RMDN2: variants seen among roughly 807,000 people sequenced by gnomAD.
The protein encoded by RMDN2 is regulator of microtubule dynamics protein 2.
Under a neutral mutation model 52.8 loss-of-function variants are expected in RMDN2, and 61 were observed. The ratio of observed to expected loss-of-function variants is 1.16; its 90% confidence interval spans 0.94 to 1.43. The LOEUF is 1.43. RMDN2 is among the 40% of genes most tolerant of loss of function. The pLI is 0.00. For missense variants in RMDN2, 592 were observed against 475.3 expected, an observed-to-expected ratio of 1.25 and a Z score of -2.28; for synonymous variants, 180 against 153.1, an observed-to-expected ratio of 1.18 and a Z score of -1.30.
intron 10 of RMDN2, among the ~76,000 whole-genome samples, chr2:38,006,597 A>T (rs1053393272): frequency 2.0e-5 from 3 of 152,044 alleles, no homozygotes; most frequent in African/African-American, 7.2e-5. Flanking sequence ...GCTTAAGGAG[A>T]TTTTGGGCTG....
intron 2 of RMDN2, among the ~76,000 whole-genome samples, chr2:37,944,175 G>T (rs1278069045): frequency 6.6e-6 from 1 of 152,138 alleles, no homozygotes; most frequent in Non-Finnish European, 1.5e-5. Flanking sequence ...ATAACCTGGA[G>T]ATGAGGCCGT....
intron 10 of RMDN2, among the ~76,000 whole-genome samples, chr2:38,009,062 G>C (rs546146199): frequency 6.6e-6 from 1 of 152,186 alleles, no homozygotes; most frequent in Non-Finnish European, 1.5e-5. Context: ...TAGAGTTTCT[G>C]CTGAGAGATC....
At chr2:37,976,743 G>T (rs950180624) in intron 4 of RMDN2, among the ~76,000 whole-genome samples, 3 of 152,030 alleles carry the variant, frequency 2.0e-5, no homozygotes, top group African/African-American at 7.2e-5. Flanking sequence ...CTTAACCAAG[G>T]AGAACAAGGG....
In RMDN2 at chr2:37,973,911, A is replaced by G. The variant is rs1024662612; in HGVS notation, c.453-129A>G. The G allele has an allele frequency of 4.4e-6, 3 of 688,880 alleles. No homozygotes were observed. In the African/African-American group the frequency reaches 5.6e-5, roughly 13 times the overall value. 42.7% of individuals were successfully genotyped at this position (688,880 alleles called of 1,614,324 possible). ...TCTGTTAGGACTGGAGCTTTTTCTG[A>G]GTGAAAGCACGTGCCACTGCAGAGT... On this transcript the variant is annotated intron_variant, in intron 2 of 10. Transcript: ENST00000354545.
chr2:38,040,667 T>A (rs565623099), intron 10 of RMDN2, among the ~76,000 whole-genome samples: 1 of 152,334 alleles, frequency 6.6e-6, no homozygotes, highest in Non-Finnish European at 1.5e-5. Flanking sequence ...TTTTAGTTCT[T>A]AACATCATTC....
intron 10 of RMDN2, 134 bp from the exon 11 acceptor site, chr2:38,017,052 T>C (rs1678897142): frequency 5.0e-6 from 2 of 399,934 alleles, no homozygotes; most frequent in Middle Eastern, 6.6e-4. Context: ...TATTTGGTGA[T>C]TGCACGTACC....
intron 2 of RMDN2, among the ~76,000 whole-genome samples, chr2:37,931,464 A>G (rs1335335113): frequency 1.3e-5 from 2 of 152,216 alleles, no homozygotes; most frequent in Non-Finnish European, 2.9e-5. Flanking sequence ...CTTAGAAAAG[A>G]CCTAATGGAA....
At chr2:38,050,457 C>G (rs1044515207) in intron 10 of RMDN2, among the ~76,000 whole-genome samples, 2 of 152,088 alleles carry the variant, frequency 1.3e-5, no homozygotes, top group African/African-American at 4.8e-5. Context: ...TGTCACTAGC[C>G]CATCATATTT....
At chr2:37,949,627 T>C (rs759193164) in intron 2 of RMDN2, among the ~76,000 whole-genome samples, 2 of 152,120 alleles carry the variant, frequency 1.3e-5, no homozygotes, top group African/African-American at 2.4e-5. Flanking sequence ...CATTGTATGG[T>C]GAACGTTAGA....
At chr2:38,057,960 C>T (rs967619794) in intron 10 of RMDN2, among the ~76,000 whole-genome samples, 1 of 152,210 alleles carries the variant, frequency 6.6e-6, no homozygotes, top group African/African-American at 2.4e-5. Flanking sequence ...TTATAAATTA[C>T]CCAGTCTCAG....
chr2:38,031,571 G>A (rs954169340), intron 10 of RMDN2, among the ~76,000 whole-genome samples: 4 of 151,970 alleles, frequency 2.6e-5, no homozygotes, highest in South Asian at 2.1e-4. Flanking sequence ...ATCCCCTCCC[G>A]CAAATGAACT....
At chr2:37,955,703 C>T (rs113302957) in intron 2 of RMDN2, among the ~76,000 whole-genome samples, 20,163 of 152,078 alleles carry the variant, frequency 0.13, 2,002 homozygotes, top group African/African-American at 0.28. Context: ...CTTGACGCCA[C>T]CATATAAGAA....
chr2:38,047,628 C>T (rs750030878), intron 10 of RMDN2, among the ~76,000 whole-genome samples: 2 of 152,122 alleles, frequency 1.3e-5, no homozygotes, highest in Non-Finnish European at 2.9e-5. Context: ...TTGTGGTTTC[C>T]AGAGTATAAG....
At chr2:37,922,799 G>A (rs1270238401), upstream of RMDN2, among the ~76,000 whole-genome samples, 1 of 152,156 alleles carries the variant, frequency 6.6e-6, no homozygotes, top group African/African-American at 2.4e-5. Context: ...AGGTTGAAGT[G>A]GTTGAATTGG....
intron 2 of RMDN2, among the ~76,000 whole-genome samples, chr2:37,956,445 C>A (rs1669471532): frequency 6.6e-6 from 1 of 151,978 alleles, no homozygotes; most frequent in Non-Finnish European, 1.5e-5. Context: ...TGTAGTCCAG[C>A]TAAAGGTTTA....
intron 2 of RMDN2, among the ~76,000 whole-genome samples, chr2:37,944,332 CAAAA>C (rs55892088): frequency 3.0e-5 from 4 of 135,294 alleles, no homozygotes; most frequent in African/African-American, 2.8e-5. Context: ...CAGCCAATCT[CAAAA>C]AAAAAAAAAA....
chr2:37,987,756 A>T (rs1163987936), intron 5 of RMDN2, among the ~76,000 whole-genome samples: 1 of 152,100 alleles, frequency 6.6e-6, no homozygotes. Flanking sequence ...GTGAAGTGGG[A>T]TGTTAATAGT....
At chr2:38,056,568 T>C (rs1681862318) in intron 10 of RMDN2, among the ~76,000 whole-genome samples, 1 of 152,224 alleles carries the variant, frequency 6.6e-6, no homozygotes, top group Admixed American at 6.5e-5. Flanking sequence ...TCTGAATGTA[T>C]ATAAAACTAT....
chr2:37,985,275 C>T (rs1673850991), intron 5 of RMDN2, among the ~76,000 whole-genome samples: 1 of 152,142 alleles, frequency 6.6e-6, no homozygotes, highest in African/African-American at 2.4e-5. Flanking sequence ...CTATGCTTTT[C>T]ATTCCAGCAC....
Sources: allele counts gnomAD v4.1 joint callset (sites outside exome capture counted in the v4.1 genomes callset), GRCh38; gene constraint gnomAD v4.1.1; transcripts MANE v1.5; gene names NCBI Gene and HGNC (gene_info 2026-07-23, HGNC 2026-07-21).